Variants in AGMO observed in about 807,000 individuals in gnomAD.
AGMO encodes the protein alkylglycerol monooxygenase.
Under a neutral mutation model 60.2 loss-of-function variants are expected in AGMO, and 75 were observed. The ratio of observed to expected loss-of-function variants is 1.25; its 90% CI spans 1.03 to 1.51. The LOEUF is 1.51. AGMO is among the 40% of genes most tolerant of loss of function. The probability of loss-of-function intolerance (pLI) is 0.00; values close to 1 mark genes in which losing one functional copy is unlikely to be tolerated. For synonymous variants in AGMO, 261 were observed against 177.1 expected, an observed-to-expected ratio of 1.47 and a Z score of -3.76; for missense variants, 763 against 525.5, an observed-to-expected ratio of 1.45 and a Z score of -4.42.
intron 5 of AGMO, among the ~76,000 whole-genome samples, chr7:15,412,398 C>G (rs1001161972): frequency 4.6e-5 from 7 of 151,624 alleles, no homozygotes; most frequent in Non-Finnish European, 2.9e-5. Context: ...TTTAAGGATA[C>G]CTAAAGTGAC....
the AGMO span, among the ~76,000 whole-genome samples, chr7:15,167,675 A>G: frequency 1.3e-5 from 2 of 152,194 alleles, no homozygotes; most frequent in African/African-American, 4.8e-5. Flanking sequence ...AAGCTTTTCA[A>G]CCACTTTAGA....
Position 15,491,033 on chromosome 7 carries a change from T to C in AGMO, c.409+53739A>G, listed in dbSNP as rs79358655. Among the ~76,000 whole-genome samples, 1,092 of 152,284 alleles carry C rather than the reference T, an allele frequency of 7.2e-3. 17 individuals are homozygous for C. Among genetic ancestry groups the C allele is most frequent in the African/African-American group, 0.025 (1,037 of 41,560 alleles). ...GGAATAAAGGAAAATCCTGGTGGTTTAGCATCTGTAAATCTGAGAACTCTA... is the reference window on the plus strand; with the variant it reads ...GGAATAAAGGAAAATCCTGGTGGTTCAGCATCTGTAAATCTGAGAACTCTA... On this transcript the variant is annotated intron_variant, in intron 3 of 12. Transcript: ENST00000342526.
At chr7:15,237,130 G>T (rs949444909) in intron 12 of AGMO, among the ~76,000 whole-genome samples, 2 of 152,024 alleles carry the variant, frequency 1.3e-5, no homozygotes, top group African/African-American at 4.8e-5. Context: ...TTATTTTGCT[G>T]TGCAGCTCCG....
intron 3 of AGMO, among the ~76,000 whole-genome samples, chr7:15,459,215 C>G (rs1214859224): frequency 1.3e-5 from 2 of 152,042 alleles, no homozygotes; most frequent in African/African-American, 2.4e-5. Flanking sequence ...TTAGTTAAGC[C>G]AATTCAAATA....
At chr7:15,157,811 C>G in the AGMO span, among the ~76,000 whole-genome samples, 1 of 152,190 alleles carries the variant, frequency 6.6e-6, no homozygotes, top group Non-Finnish European at 1.5e-5. Flanking sequence ...CTCATAAATT[C>G]CTTCTGTAAT....
At chr7:15,339,129 C>T (rs1781753356) in intron 12 of AGMO, among the ~76,000 whole-genome samples, 1 of 152,088 alleles carries the variant, frequency 6.6e-6, no homozygotes, top group Admixed American at 6.6e-5. Context: ...CCATCAACTA[C>T]CAGACTAACC....
chr7:15,232,753 A>G (rs976649767), intron 12 of AGMO, among the ~76,000 whole-genome samples: 21 of 151,638 alleles, frequency 1.4e-4, no homozygotes, highest in African/African-American at 5.1e-4. Flanking sequence ...ATAAAAATAC[A>G]GCAATTACAC....
chr7:15,409,219 G>A (rs1361697194), intron 5 of AGMO, among the ~76,000 whole-genome samples: 1 of 151,986 alleles, frequency 6.6e-6, no homozygotes, highest in Non-Finnish European at 1.5e-5. Context: ...GGAAGTAAAT[G>A]TGGCTAAAGT....
chr7:15,237,144 G>A (rs1423060147), intron 12 of AGMO, among the ~76,000 whole-genome samples: 1 of 152,068 alleles, frequency 6.6e-6, no homozygotes, highest in Non-Finnish European at 1.5e-5. Flanking sequence ...AGCTCCGTAT[G>A]TGCATATATT....
At chr7:15,229,457 T>G (rs1262632589) in intron 12 of AGMO, among the ~76,000 whole-genome samples, 1 of 150,574 alleles carries the variant, frequency 6.6e-6, no homozygotes, top group East Asian at 1.9e-4. Context: ...GCTACTTTCT[T>G]ACTACTTCAA....
intron 12 of AGMO, among the ~76,000 whole-genome samples, chr7:15,360,049 G>A (rs1052810945): frequency 1.3e-5 from 2 of 152,150 alleles, no homozygotes; most frequent in African/African-American, 4.8e-5. Flanking sequence ...GCTTTTGGCG[G>A]AGTAGGCACA....
intron 12 of AGMO, among the ~76,000 whole-genome samples, chr7:15,220,665 G>A (rs1374231481): frequency 1.3e-5 from 2 of 151,654 alleles, no homozygotes; most frequent in South Asian, 2.1e-4. Flanking sequence ...TTATTAATAT[G>A]AATATATAAA....
chr7:15,280,140 T>C (rs75915708), intron 12 of AGMO, among the ~76,000 whole-genome samples: 3,099 of 152,238 alleles, frequency 0.02, 88 homozygotes, highest in African/African-American at 0.071. Flanking sequence ...GCAGGTGGAC[T>C]GGGAGGGGAA....
chr7:15,397,341 G>T, intron 5 of AGMO, among the ~76,000 whole-genome samples: 1 of 151,808 alleles, frequency 6.6e-6, no homozygotes. Flanking sequence ...ACCCGAGCCG[G>T]CCCGCGAGCG....
chr7:15,119,819 A>C, the AGMO span, among the ~76,000 whole-genome samples: 1 of 152,168 alleles, frequency 6.6e-6, no homozygotes, highest in African/African-American at 2.4e-5. Context: ...AGAAAATGGA[A>C]ACAATTAGAA....
intron 12 of AGMO, among the ~76,000 whole-genome samples, chr7:15,359,878 A>G (rs1407864697): frequency 6.6e-6 from 1 of 152,246 alleles, no homozygotes; most frequent in Non-Finnish European, 1.5e-5. Flanking sequence ...AAAATACTAT[A>G]AATTCATGTT....
chr7:15,248,964 C>T (rs1782850181), intron 12 of AGMO, among the ~76,000 whole-genome samples: 2 of 152,106 alleles, frequency 1.3e-5, no homozygotes, highest in African/African-American at 2.4e-5. Flanking sequence ...ATACATAAAT[C>T]GGTATGCTAA....
At chr7:15,247,835 T>C (rs892130497) in intron 12 of AGMO, among the ~76,000 whole-genome samples, 1 of 151,830 alleles carries the variant, frequency 6.6e-6, no homozygotes, top group East Asian at 2.0e-4. Flanking sequence ...CAATTCAAAA[T>C]TGAGTTTGTG....
chr7:15,234,239 TC>T (rs1461138213), intron 12 of AGMO, among the ~76,000 whole-genome samples: 2 of 152,204 alleles, frequency 1.3e-5, no homozygotes, highest in African/African-American at 4.8e-5. Context: ...AAATTGAGGT[TC>T]ATGATTACCT....
Sources: allele counts gnomAD v4.1 joint callset (sites outside exome capture counted in the v4.1 genomes callset), GRCh38; gene constraint gnomAD v4.1.1; transcripts MANE v1.5; gene names NCBI Gene and HGNC (gene_info 2026-07-23, HGNC 2026-07-21).